The following ERICH3 variants were observed in gnomAD, a reference collection of about 807,000 sequenced individuals.
ERICH3 encodes glutamate rich 3.
A neutral mutation model predicts 131.1 loss-of-function variants in ERICH3; 126 were observed. The observed-to-expected ratio is 0.96, with a 90% CI of 0.83 to 1.11. ERICH3 has a LOEUF of 1.11. Among genes scored for constraint, ERICH3 ranks in the 50% most tolerant of loss-of-function variants. The pLI, the probability that ERICH3 is intolerant of heterozygous loss-of-function variation, is 0.00. For synonymous variants in ERICH3, 695 were observed against 644.6 expected (o/e 1.08, Z -1.18); for missense variants, 2,050 against 1,810.7 (o/e 1.13, Z -2.40).
chr1:74,590,471 C>G (rs763572277), intron 11 of ERICH3, among the ~76,000 whole-genome samples: 1 of 152,138 alleles, frequency 6.6e-6, no homozygotes, highest in African/African-American at 2.4e-5. Context: ...GGAGATAATG[C>G]GAGACAGTGG....
intron 9 of ERICH3, among the ~76,000 whole-genome samples, chr1:74,609,736 A>G (rs1020372969): frequency 1.3e-5 from 2 of 152,106 alleles, no homozygotes; most frequent in Non-Finnish European, 2.9e-5. Context: ...TATGAAGTTA[A>G]CAAAAAAAAA....
At chr1:74,656,314 T>A (rs1646583191) in intron 1 of ERICH3, among the ~76,000 whole-genome samples, 1 of 152,196 alleles carries the variant, frequency 6.6e-6, no homozygotes, top group East Asian at 1.9e-4. Context: ...TTTGGACTGA[T>A]GACCTTGGCA....
At chr1:74,645,002 A>G (rs1446105973) in intron 3 of ERICH3, among the ~76,000 whole-genome samples, 1 of 151,718 alleles carries the variant, frequency 6.6e-6, no homozygotes, top group Non-Finnish European at 1.5e-5. Context: ...GTTCCTTTCC[A>G]TCTACTATGT....
At chr1:74,589,513 T>A in intron 12 of ERICH3, 118 bp downstream of exon 12, 1 of 986,020 alleles carries the variant, frequency 1.0e-6, no homozygotes, top group Non-Finnish European at 1.5e-6. Context: ...CAGCAAAAAA[T>A]CTTGAATCCC....
At chr1:74,626,457 T>G (rs554220056) in intron 7 of ERICH3, among the ~76,000 whole-genome samples, 1 of 152,192 alleles carries the variant, frequency 6.6e-6, no homozygotes, top group Admixed American at 6.5e-5. Flanking sequence ...TGTCATAAAC[T>G]TTTTGCCCTC....
chr1:74,652,726 C>T (rs973942173), intron 1 of ERICH3, among the ~76,000 whole-genome samples: 4 of 152,076 alleles, frequency 2.6e-5, no homozygotes, highest in South Asian at 2.1e-4. Context: ...TCATCGATTC[C>T]GTTGGTCACA....
chr1:74,572,304 C>G lies in ERICH3; in HGVS notation c.3406G>C (p.Glu1136Gln), dbSNP rs1332285991. 1.9e-6 allele frequency: 3 copies of G among 1,613,936 alleles called. No individual in the cohort carries two copies. The African/African-American group carries it at 4.0e-5, about 22-fold the overall frequency. ...AGAAGCCCTGGATTGTCAGACAACT[C>G]AGAAGCCTCCACAGGTGCTTCGTTC... ...AENEAPVEAS[E>Q]LSDNPGLLGE... Residue 1136 changes from glutamate to glutamine, a missense_variant, in exon 14 of 15, where the codon GAG becomes CAG. Transcript: ENST00000326665.
chr1:74,635,024 A>C (rs1468338892), intron 6 of ERICH3, among the ~76,000 whole-genome samples: 1 of 152,154 alleles, frequency 6.6e-6, no homozygotes, highest in African/African-American at 2.4e-5. Context: ...CTTGGTGAAT[A>C]AATAGCCCCT....
chr1:74,594,321 G>A (rs1371217763), intron 11 of ERICH3, among the ~76,000 whole-genome samples: 3 of 148,300 alleles, frequency 2.0e-5, no homozygotes, highest in Admixed American at 6.7e-5. Context: ...TTGTATGCCA[G>A]CAGTCTTCAC....
intron 3 of ERICH3, among the ~76,000 whole-genome samples, chr1:74,644,799 A>T (rs571224163): frequency 3.9e-4 from 60 of 152,070 alleles, no homozygotes; most frequent in African/African-American, 1.4e-3. Flanking sequence ...TTTTAGCAAC[A>T]TCATCTTTCT....
rs200933327 is a variant in ERICH3 at position 74,571,843 on chromosome 1, C to A, written c.3867G>T (p.Ala1289=). ...PIMAEKFREE[A]VDEDPEEEED... ...CTTCCTCCTCTGGGTCCTCATCCAC[C>A]GCTTCCTCCCTGAACTTTTCTGCCA... Residue 1289 remains alanine, a synonymous_variant, in exon 14 of 15, where the codon GCG becomes GCT. Coordinates refer to ENST00000326665, the MANE Select transcript of ERICH3 (RefSeq NM_001002912.5). 9 of 1,612,358 alleles carry A rather than the reference C, an allele frequency of 5.6e-6. No homozygotes were observed. In the East Asian group the frequency reaches 1.8e-4, roughly 32 times the overall value.
intron 1 of ERICH3, among the ~76,000 whole-genome samples, chr1:74,651,922 G>A (rs536709784): frequency 2.0e-5 from 3 of 152,018 alleles, no homozygotes; most frequent in East Asian, 3.9e-4. Context: ...CTGCTCTCTC[G>A]GGCTTCTACT....
intron 10 of ERICH3, among the ~76,000 whole-genome samples, chr1:74,601,777 G>A (rs1648145099): frequency 6.6e-6 from 1 of 151,796 alleles, no homozygotes. Flanking sequence ...CAAGGTTTGG[G>A]AATCAGGCAT....
chr1:74,591,067 G>A (rs1024241236), intron 11 of ERICH3, among the ~76,000 whole-genome samples: 1 of 151,932 alleles, frequency 6.6e-6, no homozygotes, highest in African/African-American at 2.4e-5. Flanking sequence ...AGTATATCTT[G>A]GTATATGGAC....
intron 6 of ERICH3, 87 bp from the exon 7 acceptor site, chr1:74,632,015 T>C: frequency 8.5e-7 from 1 of 1,175,296 alleles, no homozygotes; most frequent in Non-Finnish European, 1.2e-6. Flanking sequence ...CCTAAATGAT[T>C]GACATTGCAT....
At chr1:74,658,774 A>G (rs142749494) in intron 1 of ERICH3, among the ~76,000 whole-genome samples, 277 of 152,220 alleles carry the variant, frequency 1.8e-3, no homozygotes, top group Non-Finnish European at 2.0e-3. Context: ...CCTCTGAAAT[A>G]CCCAGTTTTA....
At position 74,572,037 on chromosome 1, in the gene ERICH3, CT is replaced by C. The variant is rs1309379748; in HGVS notation, c.3672del (p.Gly1225GlufsTer9). On this transcript the variant is annotated frameshift_variant, in exon 14 of 15. Coordinates refer to ENST00000326665, the MANE Select transcript of ERICH3 (RefSeq NM_001002912.5). LOFTEE classifies it high-confidence loss of function. ...AGCCCCTCAGGGGCCTGCACCTTTC[CT>C]GCTGGCTCAGCTTCAGGAGCTGCTA... ...GALAAPEAEP[A>X]GKVQAPEGLI... 6.2e-7 allele frequency: 1 copy of C among 1,614,106 alleles called. No homozygotes were observed. The highest frequency in any genetic ancestry group is 8.5e-7 in the Non-Finnish European group (1 of 1,180,048).
rs1006881547 is a variant in ERICH3 at position 74,576,831 on chromosome 1, C to T, written c.2218+64G>A. 1.2e-5 allele frequency: 17 copies of T among 1,406,602 alleles called. No individual in the cohort carries two copies. In the Admixed American group the frequency reaches 3.5e-4, roughly 29 times the overall value. 87.1% of individuals were successfully genotyped at this position (1,406,602 alleles called of 1,614,324 possible). Reference sequence around the variant, plus strand: ...ATTTCAAGAACATGGGAAGTTTGACCAGATTTATGAGTCATGGTCTGTTGG... The same window carrying T: ...ATTTCAAGAACATGGGAAGTTTGACTAGATTTATGAGTCATGGTCTGTTGG... On this transcript the variant is annotated intron_variant, in intron 13 of 14. Transcript: ENST00000326665.
intron 1 of ERICH3, among the ~76,000 whole-genome samples, chr1:74,671,329 A>T (rs530088450): frequency 9.8e-4 from 149 of 151,850 alleles, no homozygotes; most frequent in African/African-American, 3.6e-3. Context: ...TTCCCTCAGA[A>T]GCATTTGATC....
Sources: allele counts gnomAD v4.1 joint callset (sites outside exome capture counted in the v4.1 genomes callset), GRCh38; gene constraint gnomAD v4.1.1; transcripts MANE v1.5; gene names NCBI Gene and HGNC (gene_info 2026-07-23, HGNC 2026-07-21).